Variants in COMMD4 observed in about 807,000 individuals in gnomAD.
COMMD4 encodes the protein COMM domain containing 4, also known as COMM domain-containing protein 4.
Under a neutral mutation model 27.5 loss-of-function variants are expected in COMMD4, and 18 were observed. That is an observed-to-expected ratio of 0.65 (90% confidence interval 0.45 to 0.97). The LOEUF is 0.97. Among genes scored for constraint, COMMD4 ranks in the 50% least tolerant of loss-of-function variants. The pLI is 0.00. For synonymous variants in COMMD4, 108 were observed against 108.4 expected, an observed-to-expected ratio of 1.00 and a Z score of 0.02; for missense variants, 243 against 250.0, an observed-to-expected ratio of 0.97 and a Z score of 0.19.
intron 1 of COMMD4, 128 bp downstream of exon 1, chr15:75,336,220 C>T (rs2071174466): frequency 3.2e-6 from 5 of 1,542,184 alleles, no homozygotes; most frequent in Admixed American, 2.0e-5. Context: ...GGCGTGAGGG[C>T]TGTGAGTCTG....
intron 6 of COMMD4, 148 bp downstream of exon 6, chr15:75,339,492 C>CT (rs1595841531): frequency 7.6e-7 from 1 of 1,315,844 alleles, no homozygotes; most frequent in African/African-American, 1.5e-5. Flanking sequence ...GGTCTCCTGA[C>CT]TCCCCACAAG....
At chr15:75,337,922 G>A in intron 1 of COMMD4, 140 bp from the exon 2 acceptor site, 1 of 813,128 alleles carries the variant, frequency 1.2e-6, no homozygotes, top group Non-Finnish European at 2.0e-6. Context: ...CCTGGTGATA[G>A]GGGAGAACAA....
At chr15:75,337,070 G>C (rs765067921) in intron 1 of COMMD4, 12 of 152,254 alleles carry the variant, frequency 7.9e-5, no homozygotes, top group Non-Finnish European at 1.8e-4. Flanking sequence ...TTCCTTGTGT[G>C]AGGGGCTATT....
In COMMD4 at chr15:75,339,747, G is replaced by A; in HGVS notation, c.428G>A (p.Ser143Asn). ...GGCTGGCGGGTGGACTACACCCTGAGCTCCAGCCTGCTGCAATCCGTGGAA... is the reference window on the plus strand; with the variant it reads ...GGCTGGCGGGTGGACTACACCCTGAACTCCAGCCTGCTGCAATCCGTGGAA... ...GVGWRVDYTL[S>N]SSLLQSVEEP... Residue 143 changes from serine (S) to asparagine (N), a missense_variant, in exon 7 of 8, where the codon AGC becomes AAC. Physicochemically the swap from Ser to Asn is conservative, Grantham distance 46. Coordinates refer to ENST00000267935, the MANE Select transcript of COMMD4 (RefSeq NM_017828.5). 6.2e-7 allele frequency: 1 copy of A among 1,612,852 alleles called. No homozygotes were observed. The highest frequency in any genetic ancestry group is 8.5e-7 in the Non-Finnish European group (1 of 1,179,246).
In COMMD4 at chr15:75,338,753, G is replaced by C. The variant is rs770323768; in HGVS notation, c.181+68G>C. ...AACTTGGCCTGGTGCCTGGTACAGA[G>C]GGGCCCCCCACCCCTCCCAGCAGCA... On this transcript the variant is annotated intron_variant, in intron 4 of 7. Coordinates refer to ENST00000267935, the MANE Select transcript of COMMD4 (RefSeq NM_017828.5). The C allele has an allele frequency of 1.0e-5, 16 of 1,554,188 alleles. No homozygotes were observed. In the South Asian group the frequency reaches 1.7e-4, roughly 17 times the overall value.
At chr15:75,340,529 C>T (rs1215415911), downstream of COMMD4, among the ~76,000 whole-genome samples, 1 of 152,200 alleles carries the variant, frequency 6.6e-6, no homozygotes, top group Non-Finnish European at 1.5e-5. Context: ...AGGCTAGCAG[C>T]ACGTTGGTGG....
rs1374806574 is a variant in COMMD4 at position 75,339,261 on chromosome 15, C to T, written c.302-3C>T. 1.2e-6 allele frequency: 2 copies of T among 1,612,216 alleles called. No individual in the cohort carries two copies. The highest frequency in any genetic ancestry group is 1.7e-6 in the Non-Finnish European group (2 of 1,180,006). On this transcript the variant is annotated splice_polypyrimidine_tract_variant and splice_region_variant and intron_variant, in intron 5 of 7. Coordinates refer to ENST00000267935, the MANE Select transcript of COMMD4 (RefSeq NM_017828.5). ...CTCCAGAGCTACTCCATTCTACCCC[C>T]AGAGCACGCGGCCAGCCTGTGCCGC...
chr15:75,338,992 C>T lies in COMMD4; in HGVS notation c.189C>T (p.Gly63=), dbSNP rs200660272. 7.9e-5 allele frequency: 127 copies of T among 1,613,304 alleles called. No individual in the cohort carries two copies. In the East Asian group the frequency reaches 2.4e-3, roughly 30 times the overall value. ...KLTADAKFES[G]DVKATVAVLS... Reference sequence around the variant, plus strand: ...CACCCACGGGTCCCTCAGAGTCAGGCGATGTGAAGGCCACAGTGGCAGTGC... The same window carrying T: ...CACCCACGGGTCCCTCAGAGTCAGGTGATGTGAAGGCCACAGTGGCAGTGC... The change falls in exon 5 of 8, where the codon GGC becomes GGT. Residue 63 remains glycine, a synonymous_variant. Coordinates refer to ENST00000267935, the MANE Select transcript of COMMD4 (RefSeq NM_017828.5).
At chr15:75,336,303 C>T in intron 1 of COMMD4, 2 of 1,436,022 alleles carry the variant, frequency 1.4e-6, no homozygotes. Context: ...ACAGAGCAGG[C>T]CGGCCGGCTT....
At chr15:75,340,325 A>T (rs1434181292), downstream of COMMD4, 1 of 348,106 alleles carries the variant, frequency 2.9e-6, no homozygotes, top group Non-Finnish European at 5.3e-6. Flanking sequence ...TGTGAGAGAA[A>T]CACAAGTGAC....
intron 1 of COMMD4, chr15:75,336,511 G>C (rs555061545): frequency 3.8e-5 from 15 of 395,910 alleles, no homozygotes; most frequent in Non-Finnish European, 5.9e-5. Flanking sequence ...CACACTGTTA[G>C]GAAGCCCCTC....
At chr15:75,339,603 C>A in intron 6 of COMMD4, 99 bp from the exon 7 acceptor site, 2 of 1,346,314 alleles carry the variant, frequency 1.5e-6, no homozygotes, top group Non-Finnish European at 2.0e-6. Context: ...TCTTAGAGGC[C>A]ACATAGCCTT....
In COMMD4 at chr15:75,340,060, C is replaced by A; in HGVS notation, c.*55C>A. 2.5e-6 allele frequency: 4 copies of A among 1,597,852 alleles called. No individual in the cohort carries two copies. Among genetic ancestry groups the A allele is most frequent in the South Asian group, 1.1e-5 (1 of 89,942 alleles). ...CCGCCCTGCCCGTATGGAGTCACGCCCTCTGAACTGCTCTTCGGGAGGCAG... is the reference window on the plus strand; with the variant it reads ...CCGCCCTGCCCGTATGGAGTCACGCACTCTGAACTGCTCTTCGGGAGGCAG... On this transcript the variant is annotated 3_prime_UTR_variant, in exon 8 of 8. Coordinates refer to ENST00000267935, the MANE Select transcript of COMMD4 (RefSeq NM_017828.5).
rs549930658 is a variant in COMMD4, at chr15:75,338,353, A to C, written c.76-2A>C. 6.3e-7 allele frequency: 1 copy of C among 1,598,322 alleles called. No homozygotes were observed. The highest frequency in any genetic ancestry group is 2.2e-5 in the East Asian group (1 of 44,670). ...TGGCTGATGTAAGGACTTCCCTTCC[A>C]GTCCTCTGTGAAGTTGCGGCTGCTC... On this transcript the variant is annotated splice_acceptor_variant, in intron 2 of 7. Coordinates refer to ENST00000267935, the MANE Select transcript of COMMD4 (RefSeq NM_017828.5). LOFTEE classifies it high-confidence loss of function.
intron 3 of COMMD4, 64 bp downstream of exon 3, chr15:75,338,484 T>A: frequency 1.3e-6 from 2 of 1,596,600 alleles, no homozygotes; most frequent in South Asian, 1.1e-5. Flanking sequence ...CCTGAAACTC[T>A]GCACTAGGCC....
rs922267185 is a variant in COMMD4 at position 75,339,357 on chromosome 15, C to T, written c.382+13C>T. ...TGCAGCCTACGCAGTAAGTATGAGG[C>T]CAGCCAGGGTCCGGGCTCATTCTAG... On this transcript the variant is annotated intron_variant, in intron 6 of 7. Coordinates refer to ENST00000267935, the MANE Select transcript of COMMD4 (RefSeq NM_017828.5). The T allele has an allele frequency of 6.2e-7, 1 of 1,609,696 alleles. No individual in the cohort carries two copies. Among genetic ancestry groups the T allele is most frequent in the African/African-American group, 1.3e-5 (1 of 74,932 alleles).
Position 75,338,554 on chromosome 15 carries a change from G to A in COMMD4, c.142-92G>A, listed in dbSNP as rs550535113. 1.1e-3 allele frequency: 1,668 copies of A among 1,583,038 alleles called. 3 individuals are homozygous for A. Among genetic ancestry groups the A allele is most frequent in the Admixed American group, 1.6e-3 (94 of 57,848 alleles). The stretch of plus-strand genomic sequence containing the variant: ...TGGGCACCTCCCTTCCTTCTTTCCA[G>A]CCTGTCTGTTCCTTATCGCAGGATC... On this transcript the variant is annotated intron_variant, in intron 3 of 7. Transcript: ENST00000267935.
Position 75,339,291 on chromosome 15 carries a change from A to G in COMMD4, c.329A>G (p.Tyr110Cys). 3 of 1,612,082 alleles carry G rather than the reference A, an allele frequency of 1.9e-6. No homozygotes were observed. Among genetic ancestry groups the G allele is most frequent in the Non-Finnish European group, 1.7e-6 (2 of 1,179,992 alleles). Residue 110 changes from tyrosine to cysteine, a missense_variant, in exon 6 of 8, where the codon TAT becomes TGT. Transcript: ENST00000267935. ...KEHAASLCRC[Y>C]EEKQSPLQKH... ...CACGCGGCCAGCCTGTGCCGCTGTT[A>G]TGAGGAGAAGCAAAGCCCCTTGCAG...
chr15:75,338,863 T>C, intron 4 of COMMD4, 122 bp from the exon 5 acceptor site: 1 of 1,516,812 alleles, frequency 6.6e-7, no homozygotes. Context: ...CAGCTCCTGG[T>C]GGAGCAGTAG....
Sources: gnomAD v4.1 joint callset for allele counts (sites outside exome capture counted in the v4.1 genomes callset) on GRCh38, gnomAD v4.1.1 for gene constraint, MANE v1.5 for transcripts, NCBI Gene and HGNC (gene_info 2026-07-23, HGNC 2026-07-21) for gene names.